PATJ: variants seen among roughly 807,000 people sequenced by gnomAD.
PATJ encodes the protein inaD-like protein.
Under a neutral mutation model 224.9 loss-of-function variants are expected in PATJ, and 190 were observed. The ratio of observed to expected loss-of-function variants is 0.84; its 90% CI spans 0.75 to 0.95. PATJ has a LOEUF of 0.95. Ranked by LOEUF, PATJ falls within the 40% of genes least tolerant of loss-of-function variation. The pLI is 0.00. For missense variants in PATJ, 2,121 were observed against 2,270.3 expected (o/e 0.93, Z 1.34); for synonymous variants, 769 against 820.3 (o/e 0.94, Z 1.07).
At chr1:61,865,741 T>A (rs1445793810) in intron 20 of PATJ, 3 of 152,194 alleles carry the variant, frequency 2.0e-5, no homozygotes, top group Admixed American at 6.5e-5. Context: ...GGGACATTTT[T>A]AAAAAGACAG....
intron 33 of PATJ, among the ~76,000 whole-genome samples, chr1:62,091,036 A>T (rs10127819): frequency 0.048 from 7,375 of 152,254 alleles, 337 homozygotes; most frequent in African/African-American, 0.13. Context: ...GAATTGAACA[A>T]ATGAAGTGGA....
At chr1:61,743,769 G>T (rs1294903646) in intron 1 of PATJ, among the ~76,000 whole-genome samples, 1 of 152,130 alleles carries the variant, frequency 6.6e-6, no homozygotes, top group Non-Finnish European at 1.5e-5. Flanking sequence ...CCTTTAAGAT[G>T]TTAACAATAA....
chr1:61,850,383 G>A (rs1381490736), intron 17 of PATJ, among the ~76,000 whole-genome samples: 3 of 152,070 alleles, frequency 2.0e-5, no homozygotes, highest in South Asian at 4.2e-4. Flanking sequence ...GTCTTCTTAC[G>A]CCCACCAAAT....
chr1:61,911,284 G>T (rs542942611), intron 25 of PATJ, among the ~76,000 whole-genome samples: 1 of 152,254 alleles, frequency 6.6e-6, no homozygotes, highest in African/African-American at 2.4e-5. Flanking sequence ...TGTGATCTCA[G>T]CTCACTGCAA....
At chr1:62,033,570 C>A (rs1649738502) in intron 29 of PATJ, among the ~76,000 whole-genome samples, 2 of 152,144 alleles carry the variant, frequency 1.3e-5, no homozygotes, top group South Asian at 4.1e-4. Context: ...GGCATCTGCC[C>A]CCTTTATCCA....
chr1:61,935,181 A>G (rs1038616543), intron 27 of PATJ, among the ~76,000 whole-genome samples: 1 of 152,236 alleles, frequency 6.6e-6, no homozygotes, highest in African/African-American at 2.4e-5. Context: ...TAAAGAAACA[A>G]TGAGAACCAC....
At chr1:61,998,136 G>A (rs947211692) in intron 28 of PATJ, among the ~76,000 whole-genome samples, 2 of 148,028 alleles carry the variant, frequency 1.4e-5, no homozygotes, top group African/African-American at 5.0e-5. Flanking sequence ...CTGGAGTTCA[G>A]TGGCATGATC....
intron 27 of PATJ, among the ~76,000 whole-genome samples, chr1:61,964,564 G>A (rs978262269): frequency 1.3e-5 from 2 of 151,848 alleles, no homozygotes; most frequent in African/African-American, 4.8e-5. Context: ...TATGATGGGA[G>A]GATTGCTTGA....
chr1:62,034,392 G>A (rs549270512), intron 29 of PATJ, among the ~76,000 whole-genome samples: 7 of 145,174 alleles, frequency 4.8e-5, no homozygotes, highest in African/African-American at 1.0e-4. Flanking sequence ...GCAGTGAGCC[G>A]AGATCGCGCC....
intron 16 of PATJ, among the ~76,000 whole-genome samples, chr1:61,832,344 A>G (rs1039994988): frequency 3.3e-5 from 5 of 152,196 alleles, no homozygotes; most frequent in Non-Finnish European, 4.4e-5. Flanking sequence ...GAGAGAATAA[A>G]TACATAAATA....
chr1:61,805,329 T>G, intron 12 of PATJ, 119 bp from the exon 13 acceptor site: 1 of 647,064 alleles, frequency 1.5e-6, no homozygotes. Flanking sequence ...TTCCTTTTTA[T>G]TCATTTCCCC....
In PATJ at chr1:62,048,744, A is replaced by C. The variant is rs187469175; in HGVS notation, c.4033-2222A>C. Among the ~76,000 whole-genome samples, 118 of 152,210 alleles carry C rather than the reference A, an allele frequency of 7.8e-4. 1 individual carries two copies. Among genetic ancestry groups the C allele is most frequent in the African/African-American group, 2.8e-3 (116 of 41,532 alleles). ...TTTATCTGCACTTTAAAAACAAGTT[A>C]AGTTACAGGTGAGCATCCCAAATTT... On this transcript the variant is annotated intron_variant, in intron 30 of 43. Transcript: ENST00000642238.
At chr1:61,970,308 G>A (rs374537221) in intron 27 of PATJ, among the ~76,000 whole-genome samples, 1 of 151,208 alleles carries the variant, frequency 6.6e-6, no homozygotes, top group East Asian at 2.0e-4. Context: ...CCGACACACG[G>A]GCAACCTCTC....
intron 30 of PATJ, among the ~76,000 whole-genome samples, chr1:62,042,440 T>C (rs957305235): frequency 6.6e-6 from 1 of 152,276 alleles, no homozygotes; most frequent in Admixed American, 6.5e-5. Context: ...CCCCCTTAGA[T>C]GTTTCTATTG....
intron 20 of PATJ, among the ~76,000 whole-genome samples, chr1:61,867,409 T>G (rs1206271202): frequency 6.6e-6 from 1 of 152,232 alleles, no homozygotes; most frequent in Non-Finnish European, 1.5e-5. Context: ...TATTGCCATT[T>G]TCTTCCATAA....
chr1:62,125,254 C>CAAAAAAAAAA (rs779305398), intron 39 of PATJ, among the ~76,000 whole-genome samples: 6 of 71,426 alleles, frequency 8.4e-5, no homozygotes, highest in South Asian at 4.7e-4. Flanking sequence ...AAAAAAAAAA[C>CAAAAAAAAAA]AAAAAAAAAC....
chr1:61,900,965 A>G (rs1452644149), intron 23 of PATJ, among the ~76,000 whole-genome samples: 2 of 152,214 alleles, frequency 1.3e-5, no homozygotes, highest in Admixed American at 1.3e-4. Context: ...TATGGATACA[A>G]ATGAAAAGGA....
intron 16 of PATJ, among the ~76,000 whole-genome samples, chr1:61,832,377 A>T (rs995739230): frequency 5.9e-5 from 9 of 152,150 alleles, no homozygotes; most frequent in African/African-American, 2.2e-4. Flanking sequence ...TTTTTAAACT[A>T]GCTATTTTCC....
At chr1:61,965,219 C>G (rs556655278) in intron 27 of PATJ, among the ~76,000 whole-genome samples, 1 of 134,424 alleles carries the variant, frequency 7.4e-6, no homozygotes, top group Admixed American at 8.2e-5. Flanking sequence ...CCTTTTCAAT[C>G]AAGCCATTTA....
Sources: allele counts gnomAD v4.1 joint callset (sites outside exome capture counted in the v4.1 genomes callset), GRCh38; gene constraint gnomAD v4.1.1; transcripts MANE v1.5; gene names NCBI Gene and HGNC (gene_info 2026-07-23, HGNC 2026-07-21).